Variants in TNR observed in about 807,000 individuals in gnomAD.
TNR encodes the protein tenascin-R.
In TNR, 45 loss-of-function variants were observed where a neutral mutation model predicts 150.4. The ratio of observed to expected loss-of-function variants is 0.30; its 90% confidence interval spans 0.24 to 0.38. The LOEUF is 0.38. Ranked by LOEUF, TNR falls within the 10% of genes least tolerant of loss-of-function variation. The pLI, the probability that TNR is intolerant of heterozygous loss-of-function variation, is 1.00. For synonymous variants in TNR, 687 were observed against 678.4 expected (o/e 1.01, Z -0.20); for missense variants, 1,544 against 1,759.1 (o/e 0.88, Z 2.19).
intron 2 of TNR, among the ~76,000 whole-genome samples, chr1:175,418,604 C>A (rs1223183326): frequency 6.6e-6 from 1 of 152,130 alleles, no homozygotes; most frequent in African/African-American, 2.4e-5. Context: ...CGCCTGTAAT[C>A]CCAGCTACTC....
At chr1:175,387,514 C>A (rs1652991561) in intron 7 of TNR, among the ~76,000 whole-genome samples, 1 of 152,142 alleles carries the variant, frequency 6.6e-6, no homozygotes, top group Non-Finnish European at 1.5e-5. Context: ...AGAGAGAAAC[C>A]AGTGGCCATG....
At chr1:175,654,844 G>A (rs1474846025) in intron 1 of TNR, among the ~76,000 whole-genome samples, 2 of 147,068 alleles carry the variant, frequency 1.4e-5, no homozygotes, top group Non-Finnish European at 3.0e-5. Flanking sequence ...TCAGCCTCCC[G>A]AGTAGCTGGG....
At chr1:175,514,639 T>C (rs539982713) in intron 2 of TNR, among the ~76,000 whole-genome samples, 1 of 152,286 alleles carries the variant, frequency 6.6e-6, no homozygotes, top group East Asian at 1.9e-4. Context: ...GATGAAAAAG[T>C]CTACAGTTTT....
intron 18 of TNR, among the ~76,000 whole-genome samples, chr1:175,338,556 G>C (rs1230388376): frequency 6.6e-6 from 1 of 152,192 alleles, no homozygotes; most frequent in Non-Finnish European, 1.5e-5. Context: ...TGGGTGCTCT[G>C]TAAATAGTAT....
At position 175,321,031 on chromosome 1, in the gene TNR, G is replaced by C. The variant is rs149843539; in HGVS notation, c.*2326C>G. On this transcript the variant is annotated 3_prime_UTR_variant, in exon 23 of 23. Coordinates refer to ENST00000367674, the MANE Select transcript of TNR (RefSeq NM_003285.3). ...GAAACAACCCAGCCGATGTCATGTC[G>C]TAGCTAAGATGACAGCTGTTGGCCT... 2 of 152,160 alleles carry C rather than the reference G, an allele frequency of 1.3e-5. No individual in the cohort carries two copies. The highest frequency in any genetic ancestry group is 1.3e-4 in the Admixed American group (2 of 15,274). The allele number at this position is 152,160 out of a possible 1,614,324, so 9.4% of individuals were successfully genotyped here.
intron 12 of TNR, among the ~76,000 whole-genome samples, chr1:175,364,341 T>TC (rs1651739418): frequency 6.6e-6 from 1 of 151,948 alleles, no homozygotes; most frequent in African/African-American, 2.4e-5. Context: ...TTTTTTTTTT[T>TC]ACTGCTAGGG....
intron 1 of TNR, among the ~76,000 whole-genome samples, chr1:175,609,914 G>GA (rs1663538021): frequency 6.6e-6 from 1 of 152,150 alleles, no homozygotes; most frequent in Non-Finnish European, 1.5e-5. Context: ...ATTGTTCCAG[G>GA]ACACAAATAG....
chr1:175,417,075 G>GAAAGAAAGAAAGAAAGAAATAAATAAAT (rs754333098), intron 2 of TNR, among the ~76,000 whole-genome samples: 44 of 138,252 alleles, frequency 3.2e-4, no homozygotes, highest in East Asian at 2.6e-3. Flanking sequence ...AAGAAAGAAA[G>GAAAGAAAGAAAGAAAGAAATAAATAAAT]AAATCTAAGA....
In TNR at chr1:175,701,385, AAAAC is replaced by A. The variant is rs201601863; in HGVS notation, c.-165+41837_-165+41840del. Among the ~76,000 whole-genome samples the A allele has an allele frequency of 1.1e-4, 17 of 151,968 alleles. No homozygotes were observed. In the East Asian group the frequency reaches 2.1e-3, roughly 19 times the overall value. ...TTACTCTCAAAATAGTCTTCTCCTA[AAAAC>A]AAACAAACAAACAAACAAACAAAAA... On this transcript the variant is annotated intron_variant, in intron 1 of 22. Transcript: ENST00000367674.
intron 2 of TNR, among the ~76,000 whole-genome samples, chr1:175,446,677 T>C (rs1219111487): frequency 6.6e-6 from 1 of 152,158 alleles, no homozygotes; most frequent in Non-Finnish European, 1.5e-5. Flanking sequence ...AAATTATTTG[T>C]ATAATTTTAA....
At chr1:175,615,796 C>A (rs1444335997) in intron 1 of TNR, among the ~76,000 whole-genome samples, 1 of 152,190 alleles carries the variant, frequency 6.6e-6, no homozygotes, top group Non-Finnish European at 1.5e-5. Context: ...GTCTGCATCA[C>A]AAACATAGCT....
intron 1 of TNR, among the ~76,000 whole-genome samples, chr1:175,572,950 G>A (rs1661941319): frequency 6.6e-6 from 1 of 151,936 alleles, no homozygotes; most frequent in Non-Finnish European, 1.5e-5. Flanking sequence ...CGTCCAGGGA[G>A]ACATGCCTCA....
At chr1:175,384,511 T>C (rs982046603) in intron 8 of TNR, among the ~76,000 whole-genome samples, 3 of 152,232 alleles carry the variant, frequency 2.0e-5, no homozygotes, top group Non-Finnish European at 4.4e-5. Context: ...AAACTTTGCC[T>C]TCTCCATTTT....
chr1:175,650,784 T>TACCCCACCCCACC (rs1470072216), intron 1 of TNR, among the ~76,000 whole-genome samples: 1 of 34,048 alleles, frequency 2.9e-5, no homozygotes, highest in Non-Finnish European at 5.7e-5. Flanking sequence ...ACCTCATTAC[T>TACCCCACCCCACC]CCTCCTCCCC....
At chr1:175,524,269 A>T (rs1659760454) in intron 2 of TNR, among the ~76,000 whole-genome samples, 1 of 152,044 alleles carries the variant, frequency 6.6e-6, no homozygotes, top group Non-Finnish European at 1.5e-5. Context: ...CTGCCGAATT[A>T]TGTTGAATTT....
intron 1 of TNR, among the ~76,000 whole-genome samples, chr1:175,573,696 A>T (rs1661980145): frequency 6.6e-6 from 1 of 152,218 alleles, no homozygotes; most frequent in East Asian, 1.9e-4. Context: ...AATCTGGGGC[A>T]CTGGCAGATT....
chr1:175,722,896 A>G (rs1477636353), intron 1 of TNR, among the ~76,000 whole-genome samples: 1 of 151,910 alleles, frequency 6.6e-6, no homozygotes, highest in Non-Finnish European at 1.5e-5. Flanking sequence ...GGTTCAAACA[A>G]TTCTCCTGCC....
chr1:175,634,764 A>C (rs1455629336), intron 1 of TNR, among the ~76,000 whole-genome samples: 1 of 152,192 alleles, frequency 6.6e-6, no homozygotes, highest in Non-Finnish European at 1.5e-5. Context: ...GTAGCACCAG[A>C]AGTCAGTCCC....
intron 1 of TNR, among the ~76,000 whole-genome samples, chr1:175,620,627 T>C (rs1180908815): frequency 6.6e-6 from 1 of 152,154 alleles, no homozygotes; most frequent in Non-Finnish European, 1.5e-5. Flanking sequence ...CCTGTATGAT[T>C]GGGCAGAGCA....
Sources: gnomAD v4.1 joint callset for allele counts (sites outside exome capture counted in the v4.1 genomes callset) on GRCh38, gnomAD v4.1.1 for gene constraint, MANE v1.5 for transcripts, NCBI Gene and HGNC (gene_info 2026-07-23, HGNC 2026-07-21) for gene names.